Variants in SRP54 observed in about 807,000 individuals in gnomAD.
SRP54 encodes the protein signal recognition particle 54.
In SRP54, 10 loss-of-function variants were observed where a neutral mutation model predicts 64.8. The observed-to-expected ratio is 0.15, with a 90% CI of 0.10 to 0.26. The LOEUF (loss-of-function observed/expected upper bound fraction) is 0.26, where lower values mean the gene tolerates loss of function less well. Ranked by LOEUF, SRP54 falls within the 10% of genes least tolerant of loss-of-function variation. SRP54 has a pLI of 1.00. For synonymous variants in SRP54, 193 were observed against 185.6 expected (o/e 1.04, Z -0.32); for missense variants, 325 against 613.7 (o/e 0.53, Z 4.97).
In SRP54 at chr14:35,028,202, G is replaced by T; in HGVS notation, c.1423+19G>T. 1 of 1,519,004 alleles carries T rather than the reference G, an allele frequency of 6.6e-7. No homozygotes were observed. Among genetic ancestry groups the T allele is most frequent in the Non-Finnish European group, 9.0e-7 (1 of 1,105,668 alleles). 94.1% of individuals were successfully genotyped at this position (1,519,004 alleles called of 1,614,324 possible). Reference sequence around the variant, plus strand: ...CACATGGGTAAATACCAAGTTGTTGGCAGTTGCTAATGCAGTTTAATTTAT... The same window carrying T: ...CACATGGGTAAATACCAAGTTGTTGTCAGTTGCTAATGCAGTTTAATTTAT... On this transcript the variant is annotated intron_variant, in intron 15 of 15. Transcript: ENST00000216774.
rs765728501 is a variant in SRP54 at position 35,008,844 on chromosome 14, T to G, written c.485+13T>G. 4 of 1,594,760 alleles carry G rather than the reference T, an allele frequency of 2.5e-6. No individual in the cohort carries two copies. In the South Asian group the frequency reaches 4.5e-5, roughly 18 times the overall value. On this transcript the variant is annotated intron_variant, in intron 7 of 15. Coordinates refer to ENST00000216774, the MANE Select transcript of SRP54 (RefSeq NM_003136.4). The stretch of plus-strand genomic sequence containing the variant: ...CATTTTATGGAAGGTAGGTTACTGT[T>G]TTTTATTTTAACACTTATATCCCTC...
chr14:34,984,437 T>G (rs1223834854), intron 1 of SRP54, among the ~76,000 whole-genome samples: 1 of 152,204 alleles, frequency 6.6e-6, no homozygotes, highest in Non-Finnish European at 1.5e-5. Context: ...TCCTCGAGGC[T>G]TCTCGCTTGC....
chr14:34,999,803 T>C (rs909483306), intron 3 of SRP54, 154 bp downstream of exon 3: 2 of 520,072 alleles, frequency 3.8e-6, no homozygotes, highest in Non-Finnish European at 3.5e-6. Context: ...GGCGAGAGCA[T>C]GTGTAGTACG....
chr14:35,026,372 C>T (rs538138037), intron 14 of SRP54, among the ~76,000 whole-genome samples: 2 of 151,998 alleles, frequency 1.3e-5, no homozygotes, highest in Admixed American at 6.6e-5. Context: ...AGACTACAGA[C>T]GCATGCTATC....
chr14:35,023,787 A>AAT (rs2044574363), intron 14 of SRP54, among the ~76,000 whole-genome samples: 3 of 140,268 alleles, frequency 2.1e-5, no homozygotes, highest in South Asian at 4.7e-4. Context: ...CCGGTCCCCA[A>AAT]ACACACACAC....
intron 1 of SRP54, among the ~76,000 whole-genome samples, chr14:34,990,145 C>T (rs564320277): frequency 6.4e-4 from 98 of 152,234 alleles, no homozygotes; most frequent in Admixed American, 1.1e-3. Flanking sequence ...CTAGTCAGAC[C>T]CCAGTTAGAA....
chr14:35,017,715 G>A (rs1212739438), intron 11 of SRP54, among the ~76,000 whole-genome samples: 2 of 152,102 alleles, frequency 1.3e-5, no homozygotes. Context: ...AAATCCTAAG[G>A]ATACCTTTCT....
intron 14 of SRP54, 54 bp downstream of exon 14, chr14:35,023,134 GA>G (rs1566656779): frequency 7.0e-7 from 1 of 1,437,584 alleles, no homozygotes; most frequent in Non-Finnish European, 9.4e-7. Context: ...AGGAAGTTGA[GA>G]AAAAAGAGTG....
intron 3 of SRP54, 188 bp downstream of exon 3, chr14:34,999,837 A>G (rs2044141999): frequency 4.7e-6 from 2 of 422,840 alleles, no homozygotes. Flanking sequence ...GGTTCAAAGA[A>G]TAAACTACAT....
At chr14:35,001,650 C>T (rs2044175399) in intron 4 of SRP54, among the ~76,000 whole-genome samples, 1 of 152,102 alleles carries the variant, frequency 6.6e-6, no homozygotes. Flanking sequence ...TTTTGTATGG[C>T]AAAGTCACAT....
intron 10 of SRP54, among the ~76,000 whole-genome samples, chr14:35,014,290 T>TGTTTTTTTTTTTTTTTTTG (rs1555354848): frequency 7.9e-6 from 1 of 127,284 alleles, no homozygotes; most frequent in African/African-American, 2.9e-5. Context: ...TTTTTTTTTT[T>TGTTTTTTTTTTTTTTTTTG]TTTTGAGACG....
intron 4 of SRP54, among the ~76,000 whole-genome samples, chr14:35,005,593 G>A (rs1027695586): frequency 2.0e-5 from 3 of 151,934 alleles, no homozygotes; most frequent in East Asian, 3.9e-4. Context: ...ACAAGATCTT[G>A]CTATGCTGCC....
chr14:35,026,173 T>TCA (rs538477121), intron 14 of SRP54, among the ~76,000 whole-genome samples: 2 of 151,718 alleles, frequency 1.3e-5, no homozygotes, highest in African/African-American at 4.8e-5. Context: ...ATTCTGTTGT[T>TCA]GTTTTTTTAT....
At chr14:34,991,109 C>CTTTTTTTTTTTTTTTTTTTT (rs71435838) in intron 1 of SRP54, among the ~76,000 whole-genome samples, 5 of 111,056 alleles carry the variant, frequency 4.5e-5, no homozygotes, top group African/African-American at 6.6e-5. Context: ...AATTTCTTTT[C>CTTTTTTTTTTTTTTTTTTTT]TTTTTTTTTT....
chr14:35,000,823 A>G (rs150638298), intron 3 of SRP54, 113 bp from the exon 4 acceptor site: 112 of 478,332 alleles, frequency 2.3e-4, no homozygotes, highest in East Asian at 5.1e-4. Context: ...TTGGAAGACT[A>G]TTAATATGAA....
chr14:35,022,217 CAT>C (rs1288739053), intron 13 of SRP54, among the ~76,000 whole-genome samples: 1 of 151,864 alleles, frequency 6.6e-6, no homozygotes, highest in Non-Finnish European at 1.5e-5. Context: ...AGAGGGTAGA[CAT>C]ATGAAGTATG....
chr14:35,018,790 C>G, intron 12 of SRP54, 25 bp downstream of exon 12: 2 of 1,581,640 alleles, frequency 1.3e-6, no homozygotes, highest in Non-Finnish European at 1.7e-6. Flanking sequence ...AAACTTTATA[C>G]CTTCTTTTGT....
At chr14:34,995,167 G>A (rs1218812035) in intron 1 of SRP54, among the ~76,000 whole-genome samples, 1 of 125,608 alleles carries the variant, frequency 8.0e-6, no homozygotes, top group African/African-American at 2.7e-5. Context: ...GTGTGTGTGT[G>A]TGTGTGTGTG....
In SRP54 at chr14:35,028,116, G is replaced by A. The variant is rs138648738; in HGVS notation, c.1356G>A (p.Gln452=). 6 of 1,612,740 alleles carry A rather than the reference G, an allele frequency of 3.7e-6. No homozygotes were observed. Among genetic ancestry groups the A allele is most frequent in the African/African-American group, 1.3e-5 (1 of 74,730 alleles). Reference sequence around the variant, plus strand: ...GCGACATGTCTAAGAATGTGAGCCAGTCACAGATGGCAAAATTGAACCAAC... The same window carrying A: ...GCGACATGTCTAAGAATGTGAGCCAATCACAGATGGCAAAATTGAACCAAC... ...KGGDMSKNVS[Q]SQMAKLNQQM... is the part of the protein sequence containing the mutation. The change falls in exon 15 of 16, where the codon CAG becomes CAA. Residue 452 remains glutamine (Q), a synonymous_variant. Transcript: ENST00000216774.
Sources: allele counts gnomAD v4.1 joint callset (sites outside exome capture counted in the v4.1 genomes callset), GRCh38; gene constraint gnomAD v4.1.1; transcripts MANE v1.5; gene names NCBI Gene and HGNC (gene_info 2026-07-23, HGNC 2026-07-21).